Variants in B3GALT1 observed in about 807,000 individuals in gnomAD.
B3GALT1 encodes the protein UDP-Gal:betaGlcNAc beta 1,3-galactosyltransferase, polypeptide 1.
In B3GALT1, 10 loss-of-function variants were observed where a neutral mutation model predicts 23.2. The observed-to-expected ratio is 0.43, with a 90% CI of 0.27 to 0.73. B3GALT1 has a LOEUF of 0.73. B3GALT1 is among the 30% of genes least tolerant of loss of function. B3GALT1 has a pLI of 0.21. For missense variants in B3GALT1, 299 were observed against 405.4 expected (o/e 0.74, Z 2.25); for synonymous variants, 156 against 141.5 (o/e 1.10, Z -0.73).
At chr2:167,675,705 C>T (rs920733027) in intron 3 of B3GALT1, among the ~76,000 whole-genome samples, 1 of 152,168 alleles carries the variant, frequency 6.6e-6, no homozygotes, top group Non-Finnish European at 1.5e-5. Flanking sequence ...TTTCTTTACA[C>T]AGTAGCTCCA....
intron 1 of B3GALT1, among the ~76,000 whole-genome samples, chr2:167,394,741 G>A (rs1252682954): frequency 6.6e-6 from 1 of 152,152 alleles, no homozygotes; most frequent in Non-Finnish European, 1.5e-5. Context: ...TTTATGGGTG[G>A]AAGAAGAGAC....
chr2:167,789,988 A>G (rs898242226), intron 3 of B3GALT1, among the ~76,000 whole-genome samples: 3 of 152,264 alleles, frequency 2.0e-5, no homozygotes, highest in Middle Eastern at 3.4e-3. Context: ...AAGTGGTTCA[A>G]ACTTCTCTGG....
intron 3 of B3GALT1, among the ~76,000 whole-genome samples, chr2:167,735,180 A>C (rs1449008443): frequency 1.3e-5 from 2 of 152,206 alleles, no homozygotes; most frequent in Admixed American, 1.3e-4. Flanking sequence ...CCAAAACCAC[A>C]CAGAGAAATA....
chr2:167,785,117 A>G (rs1015891226), intron 3 of B3GALT1, among the ~76,000 whole-genome samples: 1 of 152,226 alleles, frequency 6.6e-6, no homozygotes, highest in Admixed American at 6.5e-5. Flanking sequence ...ACCTAAAAGT[A>G]AGACCTAACA....
At chr2:167,767,215 T>C (rs1242806104) in intron 3 of B3GALT1, among the ~76,000 whole-genome samples, 1 of 152,228 alleles carries the variant, frequency 6.6e-6, no homozygotes, top group East Asian at 1.9e-4. Flanking sequence ...GGCTATTGTT[T>C]CTGCTGTTCT....
chr2:167,806,652 C>T (rs1284393139), intron 3 of B3GALT1, among the ~76,000 whole-genome samples: 1 of 152,154 alleles, frequency 6.6e-6, no homozygotes, highest in African/African-American at 2.4e-5. Context: ...AGCCTTGCAT[C>T]CCAGGGATGA....
chr2:167,735,335 C>G (rs1281954897), intron 3 of B3GALT1, among the ~76,000 whole-genome samples: 2 of 152,190 alleles, frequency 1.3e-5, no homozygotes, highest in Non-Finnish European at 2.9e-5. Flanking sequence ...TTTCCTAGAT[C>G]TCTACTAACT....
chr2:167,470,854 A>G (rs1291269386), intron 1 of B3GALT1, among the ~76,000 whole-genome samples: 1 of 152,232 alleles, frequency 6.6e-6, no homozygotes, highest in African/African-American at 2.4e-5. Context: ...TAAAATATAC[A>G]CCTACTTTTC....
At chr2:167,438,637 T>C (rs1021545894) in intron 1 of B3GALT1, among the ~76,000 whole-genome samples, 26 of 152,078 alleles carry the variant, frequency 1.7e-4, no homozygotes, top group African/African-American at 6.0e-4. Context: ...AGCTGGAAAA[T>C]GCATCAGAGA....
At chr2:167,851,136 G>A (rs1689876214) in intron 4 of B3GALT1, among the ~76,000 whole-genome samples, 1 of 151,602 alleles carries the variant, frequency 6.6e-6, no homozygotes, top group Non-Finnish European at 1.5e-5. Flanking sequence ...TTTTGAACAT[G>A]CATCATTTTT....
At chr2:167,602,103 G>C (rs1473227527) in intron 2 of B3GALT1, among the ~76,000 whole-genome samples, 1 of 152,148 alleles carries the variant, frequency 6.6e-6, no homozygotes, top group Non-Finnish European at 1.5e-5. Flanking sequence ...CATTGATATA[G>C]AGTATCTGCA....
chr2:167,455,876 A>G (rs1036681974), intron 1 of B3GALT1, among the ~76,000 whole-genome samples: 1 of 152,140 alleles, frequency 6.6e-6, no homozygotes, highest in Non-Finnish European at 1.5e-5. Flanking sequence ...TATACATCGA[A>G]TTGTAGAGTA....
At chr2:167,496,079 T>C (rs374138190) in intron 2 of B3GALT1, among the ~76,000 whole-genome samples, 22 of 123,584 alleles carry the variant, frequency 1.8e-4, no homozygotes, top group Admixed American at 5.8e-4. Flanking sequence ...GGTCTCGATT[T>C]CTTTTTTTAG....
intron 3 of B3GALT1, among the ~76,000 whole-genome samples, chr2:167,783,723 A>C (rs1004366): frequency 0.17 from 25,370 of 152,156 alleles, 2,545 homozygotes; most frequent in Non-Finnish European, 0.23. Flanking sequence ...GGGGAAATAG[A>C]GGTCAAAGAG....
intron 2 of B3GALT1, among the ~76,000 whole-genome samples, chr2:167,646,382 C>A (rs1265703431): frequency 6.6e-6 from 1 of 152,166 alleles, no homozygotes; most frequent in Non-Finnish European, 1.5e-5. Flanking sequence ...TCTTTCCTTG[C>A]GTGAAGGGAG....
chr2:167,418,581 A>G (rs183289771), intron 1 of B3GALT1, among the ~76,000 whole-genome samples: 46 of 152,306 alleles, frequency 3.0e-4, no homozygotes, highest in East Asian at 1.5e-3. Flanking sequence ...TTTGTACTCA[A>G]TAGTGGTTCC....
chr2:167,550,363 C>T (rs1683724148), intron 2 of B3GALT1, among the ~76,000 whole-genome samples: 1 of 152,180 alleles, frequency 6.6e-6, no homozygotes, highest in South Asian at 2.1e-4. Context: ...TCTCCAGAAA[C>T]TTACTTTTAC....
chr2:167,758,012 A>G (rs1288750056), intron 3 of B3GALT1, among the ~76,000 whole-genome samples: 2 of 152,222 alleles, frequency 1.3e-5, no homozygotes, highest in African/African-American at 2.4e-5. Context: ...TGATATTAAG[A>G]AAAAGTTTAG....
intron 3 of B3GALT1, among the ~76,000 whole-genome samples, chr2:167,693,979 A>G (rs954805873): frequency 1.3e-5 from 2 of 152,122 alleles, no homozygotes; most frequent in Admixed American, 6.6e-5. Context: ...TTATGCAGCT[A>G]TATTCACTGA....
Sources: allele counts gnomAD v4.1 joint callset (sites outside exome capture counted in the v4.1 genomes callset), GRCh38; gene constraint gnomAD v4.1.1; transcripts MANE v1.5; gene names NCBI Gene and HGNC (gene_info 2026-07-23, HGNC 2026-07-21).